Variants in UPF1 observed in about 807,000 individuals in gnomAD.
UPF1 encodes regulator of nonsense transcripts 1.
A neutral mutation model predicts 129.2 loss-of-function variants in UPF1; 9 were observed. The observed-to-expected ratio is 0.07, with a 90% CI of 0.04 to 0.12. UPF1 has a LOEUF of 0.12. Ranked by LOEUF, UPF1 falls within the 10% of genes least tolerant of loss-of-function variation. The pLI is 1.00. For missense variants in UPF1, 788 were observed against 1,525.3 expected, an observed-to-expected ratio of 0.52 and a Z score of 8.05; for synonymous variants, 649 against 644.9, an observed-to-expected ratio of 1.01 and a Z score of -0.10.
chr19:18,855,623 T>C (rs762967967), intron 11 of UPF1: 4 of 501,224 alleles, frequency 8.0e-6, no homozygotes, highest in Non-Finnish European at 1.4e-5. Context: ...GTGTCATTAC[T>C]GCCTGTTAAA....
intron 2 of UPF1, 107 bp from the exon 3 acceptor site, chr19:18,847,637 T>C (rs1379495008): frequency 1.9e-6 from 2 of 1,036,318 alleles, no homozygotes; most frequent in East Asian, 5.0e-5. Flanking sequence ...AGTATGTGTT[T>C]AATGAAGAAC....
rs769973519 is a variant in UPF1 at position 18,853,500 on chromosome 19, TAGG to T, written c.1156+153_1156+155del. The T allele has an allele frequency of 5.7e-5, 40 of 707,438 alleles. No homozygotes were observed. The highest frequency in any genetic ancestry group is 7.9e-5 in the Non-Finnish European group (35 of 445,640). 43.8% of individuals were successfully genotyped at this position (707,438 alleles called of 1,614,324 possible). A position where few individuals can be genotyped will look rare whatever the true frequency, so the allele number is the denominator to read the frequency against. On this transcript the variant is annotated intron_variant, in intron 8 of 23. Coordinates refer to ENST00000262803, the MANE Select transcript of UPF1 (RefSeq NM_002911.4). The surrounding 1 kb of genome is among the most constrained non-coding windows in gnomAD (Gnocchi z 4.4). ...GGTTGGCATCGCCCTCCACTGCTCT[TAGG>T]AGAATCACAGGGCCTTCACCTTCAG... is the stretch of plus-strand genomic sequence containing the variant.
intron 15 of UPF1, among the ~76,000 whole-genome samples, chr19:18,858,658 G>A (rs893907107): frequency 4.6e-5 from 7 of 151,952 alleles, no homozygotes; most frequent in Non-Finnish European, 5.9e-5. Flanking sequence ...TCCCCACAGC[G>A]TCCCCAGAGC....
At chr19:18,835,205 T>C (rs886750523) in intron 1 of UPF1, among the ~76,000 whole-genome samples, 1 of 152,154 alleles carries the variant, frequency 6.6e-6, no homozygotes, top group Non-Finnish European at 1.5e-5. Context: ...ATATGGTGTT[T>C]TGTGTCTGGC....
chr19:18,844,327 CT>C (rs58392919), intron 1 of UPF1, among the ~76,000 whole-genome samples: 65 of 140,000 alleles, frequency 4.6e-4, no homozygotes, highest in Admixed American at 7.1e-4. Context: ...TTTCTTTTTT[CT>C]TTTTTTTTTT....
chr19:18,860,121 GCCTC>G, intron 15 of UPF1, 196 bp from the exon 16 acceptor site: 2 of 621,766 alleles, frequency 3.2e-6, no homozygotes, highest in Non-Finnish European at 5.7e-6. Flanking sequence ...GCTCTCGGTG[GCCTC>G]TCCTCAGCCT....
At chr19:18,855,666 G>A (rs1258997764) in intron 11 of UPF1, 2 of 545,726 alleles carry the variant, frequency 3.7e-6, no homozygotes, top group South Asian at 2.2e-5. Context: ...CCTGAACAGG[G>A]TGAGACGTCT....
chr19:18,860,448 G>C lies in UPF1; in HGVS notation c.2300+10G>C, dbSNP rs980735725. 1.2e-6 allele frequency: 2 copies of C among 1,612,654 alleles called. No homozygotes were observed. Among genetic ancestry groups the C allele is most frequent in the Non-Finnish European group, 1.7e-6 (2 of 1,178,870 alleles). On this transcript the variant is annotated intron_variant, in intron 16 of 23. Coordinates refer to ENST00000262803, the MANE Select transcript of UPF1 (RefSeq NM_002911.4). ...CCTCCTACCTGAACAGGTGAGCAGG[G>C]ACAGGCCCACCGGCGTCTGCAGGTC...
intron 1 of UPF1, among the ~76,000 whole-genome samples, chr19:18,838,302 G>A (rs1011283223): frequency 1.3e-5 from 2 of 152,030 alleles, no homozygotes; most frequent in Admixed American, 1.3e-4. Flanking sequence ...GTCCATGATC[G>A]CACCACTGCA....
rs754398804 is a variant in UPF1, at chr19:18,863,486, G to T, written c.2649G>T (p.Pro883=). 3 of 1,613,912 alleles carry T rather than the reference G, an allele frequency of 1.9e-6. No individual in the cohort carries two copies. Among genetic ancestry groups the T allele is most frequent in the South Asian group, 2.2e-5 (2 of 91,076 alleles). The change falls in exon 19 of 24, where the codon CCG becomes CCT. Residue 883 remains proline (P), a synonymous_variant. Coordinates refer to ENST00000262803, the MANE Select transcript of UPF1 (RefSeq NM_002911.4). The part of the protein sequence containing the change: ...VGNPKALSKQ[P]LWNHLLNYYK... Reference sequence around the variant, plus strand: ...ACCCGAAGGCACTATCAAAGCAGCCGCTCTGGAACCACCTGCTGAACTACT... The same window carrying T: ...ACCCGAAGGCACTATCAAAGCAGCCTCTCTGGAACCACCTGCTGAACTACT...
At position 18,853,897 on chromosome 19, in the gene UPF1, G is replaced by A. The variant is rs1343238243; in HGVS notation, c.1156+547G>A. Among the ~76,000 whole-genome samples, 2 of 152,144 alleles carry A rather than the reference G, an allele frequency of 1.3e-5. No individual in the cohort carries two copies. The highest frequency in any genetic ancestry group is 2.4e-5 in the African/African-American group (1 of 41,424). ...GAGGAGTCCTGGGAGAAGACACCGC[G>A]GGTCAGACTCAGGCTGCCTCTTGGT... On this transcript the variant is annotated intron_variant, in intron 8 of 23. Coordinates refer to ENST00000262803, the MANE Select transcript of UPF1 (RefSeq NM_002911.4). This position sits in a 1 kb window ranked among gnomAD's most constrained non-coding sequence, Gnocchi z 4.4.
At chr19:18,839,018 A>C (rs954614297) in intron 1 of UPF1, among the ~76,000 whole-genome samples, 1 of 152,194 alleles carries the variant, frequency 6.6e-6, no homozygotes, top group Non-Finnish European at 1.5e-5. Context: ...TACCACCACC[A>C]CAAAAGCTTA....
chr19:18,861,841 CAA>C (rs1568282473), intron 17 of UPF1, among the ~76,000 whole-genome samples, 167 bp from the exon 18 acceptor site: 1 of 152,122 alleles, frequency 6.6e-6, no homozygotes, highest in Non-Finnish European at 1.5e-5. Context: ...AAAAAGAAAA[CAA>C]AACGAAATGG....
chr19:18,834,150 C>A (rs1273524597), intron 1 of UPF1, among the ~76,000 whole-genome samples: 1 of 152,036 alleles, frequency 6.6e-6, no homozygotes, highest in Non-Finnish European at 1.5e-5. Context: ...ATTTTTATTC[C>A]TTTTAAACAT....
At chr19:18,859,977 T>C (rs2055760079) in intron 15 of UPF1, 1 of 223,832 alleles carries the variant, frequency 4.5e-6, no homozygotes, top group Admixed American at 5.5e-5. Flanking sequence ...GTGGCGCCTT[T>C]AAGGCAAGCT....
At chr19:18,864,789 G>A (rs1165847324) in intron 20 of UPF1, among the ~76,000 whole-genome samples, 1 of 131,948 alleles carries the variant, frequency 7.6e-6, no homozygotes, top group East Asian at 2.2e-4. Flanking sequence ...GCCCAAGCTG[G>A]AGTACAGTGG....
chr19:18,845,939 A>C, intron 1 of UPF1, 41 bp from the exon 2 acceptor site: 1 of 1,609,020 alleles, frequency 6.2e-7, no homozygotes, highest in Non-Finnish European at 8.5e-7. Flanking sequence ...TGAGTCCTGG[A>C]AGCTGCAGCC....
chr19:18,860,299 AC>A (rs779882419), intron 15 of UPF1, 21 bp from the exon 16 acceptor site: 2 of 1,611,746 alleles, frequency 1.2e-6, no homozygotes, highest in Non-Finnish European at 1.7e-6. Flanking sequence ...TTGAAGTGTT[AC>A]TTCTTTCCCT....
chr19:18,860,331 G>C lies in UPF1; in HGVS notation c.2193G>C (p.Val731=). The change falls in exon 16 of 24, where the codon GTG becomes GTC. Residue 731 remains valine (V), a synonymous_variant. Coordinates refer to ENST00000262803, the MANE Select transcript of UPF1 (RefSeq NM_002911.4). ...LQNGVTAADR[V]KKGFDFQWPQ... Reference sequence around the variant, plus strand: ...TCCCTCCCCTCACAGCGGATCGTGTGAAGAAGGGATTTGACTTCCAGTGGC... The same window carrying C: ...TCCCTCCCCTCACAGCGGATCGTGTCAAGAAGGGATTTGACTTCCAGTGGC... 6.2e-7 allele frequency: 1 copy of C among 1,614,144 alleles called. No individual in the cohort carries two copies. The highest frequency in any genetic ancestry group is 1.6e-4 in the Middle Eastern group (1 of 6,062).
Sources: allele counts gnomAD v4.1 joint callset (sites outside exome capture counted in the v4.1 genomes callset), GRCh38; gene constraint gnomAD v4.1.1; non-coding constraint Gnocchi (gnomAD v3.1); transcripts MANE v1.5; gene names NCBI Gene and HGNC (gene_info 2026-07-23, HGNC 2026-07-21).